Variants in TMBIM4 observed in about 807,000 individuals in gnomAD.
TMBIM4 encodes transmembrane BAX inhibitor motif containing 4, also known as protein lifeguard 4.
In TMBIM4, 28 loss-of-function variants were observed where a neutral mutation model predicts 27.7. The ratio of observed to expected loss-of-function variants is 1.01; its 90% confidence interval spans 0.75 to 1.38. The LOEUF (loss-of-function observed/expected upper bound fraction) is 1.38, where lower values mean the gene tolerates loss of function less well. TMBIM4 is among the 40% of genes most tolerant of loss of function. TMBIM4 has a pLI of 0.00. For missense variants in TMBIM4, 265 were observed against 277.5 expected, an observed-to-expected ratio of 0.95 and a Z score of 0.32; for synonymous variants, 115 against 113.1, an observed-to-expected ratio of 1.02 and a Z score of -0.11.
At chr12:66,147,416 A>T (rs919501849) in intron 4 of TMBIM4, among the ~76,000 whole-genome samples, 7 of 152,204 alleles carry the variant, frequency 4.6e-5, no homozygotes, top group African/African-American at 7.2e-5. Flanking sequence ...TATAACAGAA[A>T]CGGCCTTCAA....
intron 3 of TMBIM4, among the ~76,000 whole-genome samples, chr12:66,149,444 C>CAAA (rs61425460): frequency 0.076 from 5,668 of 74,308 alleles, 428 homozygotes; most frequent in East Asian, 0.45. Context: ...GACCCTGTCT[C>CAAA]AAAAAAAAAA....
At chr12:66,147,052 T>TAG (rs1193802265) in intron 4 of TMBIM4, among the ~76,000 whole-genome samples, 1 of 152,126 alleles carries the variant, frequency 6.6e-6, no homozygotes, top group African/African-American at 2.4e-5. Context: ...ATAACCTTAA[T>TAG]AGTAAGTAAC....
chr12:66,138,577 T>A, intron 6 of TMBIM4, 147 bp downstream of exon 6: 1 of 583,748 alleles, frequency 1.7e-6, no homozygotes, highest in Non-Finnish European at 2.8e-6. Context: ...TCTAAAGGGA[T>A]AATTCTATAA....
intron 3 of TMBIM4, among the ~76,000 whole-genome samples, chr12:66,150,784 G>A (rs1393482525): frequency 6.6e-6 from 1 of 152,166 alleles, no homozygotes; most frequent in Non-Finnish European, 1.5e-5. Flanking sequence ...AAAGTTAAAT[G>A]ACTCTGGGGG....
intron 1 of TMBIM4, among the ~76,000 whole-genome samples, chr12:66,168,220 C>CAAAA (rs762237233): frequency 6.3e-5 from 5 of 79,270 alleles, no homozygotes; most frequent in African/African-American, 2.5e-4. Context: ...GACCCTGTCT[C>CAAAA]AAAAAAAAAA....
At chr12:66,149,563 C>A (rs1435746672) in intron 3 of TMBIM4, among the ~76,000 whole-genome samples, 1 of 151,540 alleles carries the variant, frequency 6.6e-6, no homozygotes, top group East Asian at 1.9e-4. Flanking sequence ...CATACACATT[C>A]AAGTATCTAA....
chr12:66,149,140 T>G (rs1391059857), intron 3 of TMBIM4, among the ~76,000 whole-genome samples: 1 of 152,016 alleles, frequency 6.6e-6, no homozygotes, highest in Non-Finnish European at 1.5e-5. Flanking sequence ...TAGCAAAAGA[T>G]GATAGAAATT....
Position 66,137,456 on chromosome 12 carries a change from C to T in TMBIM4, c.*504G>A, listed in dbSNP as rs113174307. On this transcript the variant is annotated 3_prime_UTR_variant, in exon 7 of 7. Coordinates refer to ENST00000358230, the MANE Select transcript of TMBIM4 (RefSeq NM_016056.4). ...CTGTCACCAGGCTGGAATGCAGTGG[C>T]GTGATCTTGGCTCAATGCAACCTCC... is the stretch of plus-strand genomic sequence containing the variant. 4,354 of 151,926 alleles carry T rather than the reference C, an allele frequency of 0.029. 50 individuals are homozygous for T. Among genetic ancestry groups the T allele is most frequent in the Non-Finnish European group, 0.036 (2,494 of 68,500 alleles). 9.4% of individuals were successfully genotyped at this position (151,926 alleles called of 1,614,324 possible).
chr12:66,140,294 A>G (rs2051647378), intron 5 of TMBIM4, among the ~76,000 whole-genome samples: 1 of 151,912 alleles, frequency 6.6e-6, no homozygotes, highest in South Asian at 2.1e-4. Context: ...GGAAGATACT[A>G]TTTTTTTTCA....
intron 5 of TMBIM4, chr12:66,145,292 G>A (rs2051733302): frequency 6.6e-6 from 1 of 152,182 alleles, no homozygotes; most frequent in Admixed American, 6.5e-5. Context: ...TGTGCCAACA[G>A]GAAGCCACTG....
chr12:66,151,688 A>G (rs1009299507), intron 3 of TMBIM4, among the ~76,000 whole-genome samples: 7 of 152,224 alleles, frequency 4.6e-5, no homozygotes, highest in East Asian at 3.8e-4. Flanking sequence ...CTGAATTTTC[A>G]TAAGTGGTAG....
chr12:66,148,097 A>T (rs914505616), intron 3 of TMBIM4, among the ~76,000 whole-genome samples, 156 bp from the exon 4 acceptor site: 4 of 152,240 alleles, frequency 2.6e-5, no homozygotes, highest in Admixed American at 2.6e-4. Flanking sequence ...TAAACCCACC[A>T]TAATGAAAAT....
intron 1 of TMBIM4, chr12:66,161,051 C>T (rs2052031636): frequency 6.6e-6 from 1 of 152,036 alleles, no homozygotes; most frequent in Non-Finnish European, 1.5e-5. Context: ...GACGGCCGGG[C>T]AGAGGAACTC....
chr12:66,166,535 T>C (rs966834074), intron 1 of TMBIM4, among the ~76,000 whole-genome samples: 2 of 145,116 alleles, frequency 1.4e-5, no homozygotes, highest in African/African-American at 5.1e-5. Flanking sequence ...AATAAGTATA[T>C]GAAAAGATGC....
intron 5 of TMBIM4, among the ~76,000 whole-genome samples, chr12:66,141,049 A>C (rs1017395137): frequency 1.3e-5 from 2 of 152,176 alleles, no homozygotes; most frequent in Non-Finnish European, 1.5e-5. Context: ...AATAACTTTC[A>C]AAAATAAAGA....
intron 1 of TMBIM4, among the ~76,000 whole-genome samples, chr12:66,165,750 C>G (rs2052115797): frequency 6.6e-6 from 1 of 152,050 alleles, no homozygotes; most frequent in Non-Finnish European, 1.5e-5. Flanking sequence ...ATCTTATTTT[C>G]TTGACTTCTT....
At chr12:66,146,111 G>A (rs1248991452) in intron 4 of TMBIM4, among the ~76,000 whole-genome samples, 153 bp from the exon 5 acceptor site, 1 of 151,990 alleles carries the variant, frequency 6.6e-6, no homozygotes, top group Non-Finnish European at 1.5e-5. Context: ...TGACTACATG[G>A]GTACAGTGAA....
rs1446744168 is a variant in TMBIM4 at position 66,136,373 on chromosome 12, A to G, written c.*1587T>C. On this transcript the variant is annotated 3_prime_UTR_variant, in exon 7 of 7. Coordinates refer to ENST00000358230, the MANE Select transcript of TMBIM4 (RefSeq NM_016056.4). Reference sequence around the variant, plus strand: ...ACTTGATAATTCAACAGTTAATGATAATAAAGTCAAATTTACATCTACAAA... The same window carrying G: ...ACTTGATAATTCAACAGTTAATGATGATAAAGTCAAATTTACATCTACAAA... 1 of 153,918 alleles carries G rather than the reference A, an allele frequency of 6.5e-6. No individual in the cohort carries two copies. The highest frequency in any genetic ancestry group is 1.5e-5 in the Non-Finnish European group (1 of 68,214). The allele number at this position is 153,918 out of a possible 1,614,324, so 9.5% of individuals were successfully genotyped here. A position where few individuals can be genotyped will look rare whatever the true frequency, so the allele number is the denominator to read the frequency against.
At chr12:66,143,374 A>G (rs180946812) in intron 5 of TMBIM4, among the ~76,000 whole-genome samples, 1 of 152,290 alleles carries the variant, frequency 6.6e-6, no homozygotes, top group East Asian at 1.9e-4. Flanking sequence ...AAAATAACTT[A>G]CAAACAGTGA....
Sources: allele counts gnomAD v4.1 joint callset (sites outside exome capture counted in the v4.1 genomes callset), GRCh38; gene constraint gnomAD v4.1.1; transcripts MANE v1.5; gene names NCBI Gene and HGNC (gene_info 2026-07-23, HGNC 2026-07-21).